PIEZO2: variants seen among roughly 807,000 people sequenced by gnomAD.
PIEZO2 encodes the protein piezo-type mechanosensitive ion channel component 2.
In PIEZO2, 172 loss-of-function variants were observed where a neutral mutation model predicts 337.3. The ratio of observed to expected loss-of-function variants is 0.51; its 90% CI spans 0.45 to 0.58. The LOEUF (loss-of-function observed/expected upper bound fraction) is 0.58, where lower values mean the gene tolerates loss of function less well. PIEZO2 is among the 20% of genes least tolerant of loss of function. The pLI is 0.00. For missense variants in PIEZO2, 3,028 were observed against 3,391.3 expected, an observed-to-expected ratio of 0.89 and a Z score of 2.66; for synonymous variants, 1,251 against 1,228.5, an observed-to-expected ratio of 1.02 and a Z score of -0.38.
intron 7 of PIEZO2, among the ~76,000 whole-genome samples, chr18:10,844,666 G>A (rs553876626): frequency 6.6e-5 from 10 of 151,676 alleles, no homozygotes; most frequent in Non-Finnish European, 1.2e-4. Flanking sequence ...GTGGGTGCCT[G>A]TAGTCCCAGC....
At chr18:10,797,570 T>A in intron 11 of PIEZO2, 48 bp from the exon 12 acceptor site, 8 of 1,530,132 alleles carry the variant, frequency 5.2e-6, no homozygotes, top group Non-Finnish European at 7.0e-6. Context: ...ACATGTGACA[T>A]TTGTATAAAT....
rs79448288 is a variant in PIEZO2 at position 10,849,664 on chromosome 18, A to C, written c.917+5689T>G. 2.0e-3 allele frequency among the ~76,000 whole-genome samples: 311 copies of C among 152,282 alleles called. 1 individual carries two copies. Among genetic ancestry groups the C allele is most frequent in the African/African-American group, 7.0e-3 (292 of 41,566 alleles). ...ATATGCACACCTCGAGCTGGGGGAA[A>C]CCGAACATCAGCCTCATAACATTAA... On this transcript the variant is annotated intron_variant, in intron 7 of 55. Transcript: ENST00000674853.
intron 2 of PIEZO2, among the ~76,000 whole-genome samples, chr18:10,985,235 A>G (rs2145516487): frequency 6.6e-6 from 1 of 152,244 alleles, no homozygotes; most frequent in South Asian, 2.1e-4. Context: ...TATAAAAGTT[A>G]AAATACAAAA....
Position 10,759,905 on chromosome 18 carries a change from C to T in PIEZO2, c.3455G>A (p.Cys1152Tyr). The T allele has an allele frequency of 6.5e-7, 1 of 1,536,994 alleles. No individual in the cohort carries two copies. Among genetic ancestry groups the T allele is most frequent in the South Asian group, 1.2e-5 (1 of 84,036 alleles). The change falls in exon 25 of 56, where the codon TGT (cysteine) becomes TAT (tyrosine). Residue 1152 changes from cysteine (C) to tyrosine (Y), a missense_variant. Cys to Tyr is a radical substitution (Grantham distance 194). Around this residue, in one of 5 missense-constraint regions of PIEZO2, gnomAD observed 1,925 missense variants for 2,051.9 expected, o/e 0.94. Transcript: ENST00000674853. This position sits in a 1 kb window ranked among gnomAD's most constrained non-coding sequence, Gnocchi z 5.5. ...YFFYKFGLET[C>Y]FLMSVNVIGQ... ...AATGACGTTAACTGACATTAGGAAA[C>T]AGGTCTGTGTAAAGATGAAAAGAGG...
At chr18:11,091,914 T>C (rs2039102802) in intron 1 of PIEZO2, among the ~76,000 whole-genome samples, 1 of 152,188 alleles carries the variant, frequency 6.6e-6, no homozygotes, top group Admixed American at 6.5e-5. Flanking sequence ...AAGGCTCCGC[T>C]TTCACACGAC....
At chr18:10,714,540 G>T (rs1490998854) in intron 39 of PIEZO2, among the ~76,000 whole-genome samples, 1 of 152,116 alleles carries the variant, frequency 6.6e-6, no homozygotes, top group Non-Finnish European at 1.5e-5. Flanking sequence ...GGTCACACAG[G>T]TATAGCTAAT....
At position 10,705,623 on chromosome 18, in the gene PIEZO2, C is replaced by T. The variant is rs1434499292; in HGVS notation, c.5712G>A (p.Glu1904=). 3.9e-6 allele frequency: 6 copies of T among 1,537,058 alleles called. No individual in the cohort carries two copies. Among genetic ancestry groups the T allele is most frequent in the Non-Finnish European group, 4.4e-6 (5 of 1,146,908 alleles). ...STAPEPREAK[E]YEATGYDVGA... ...CCACATCGTACCCAGTGGCCTCGTA[C>T]TCCTTGGCCTCCCTGGGCTCAGGCG... Residue 1904 remains glutamate (E), a synonymous_variant, in exon 41 of 56, where the codon GAG becomes GAA. Transcript: ENST00000674853.
rs2035522701 is a variant in PIEZO2, at chr18:11,001,256, T to C, written c.161-21596A>G. Among the ~76,000 whole-genome samples the C allele has an allele frequency of 1.3e-5, 2 of 152,162 alleles. No individual in the cohort carries two copies. The highest frequency in any genetic ancestry group is 2.1e-4 in the South Asian group (1 of 4,826). ...AGCTCAGAAGGTACTTTATGGCTTA[T>C]GGTGGATTTTTATGCATGGGTCATC... On this transcript the variant is annotated intron_variant, in intron 2 of 55. Coordinates refer to ENST00000674853, the MANE Select transcript of PIEZO2 (RefSeq NM_001378183.1). This position sits in a 1 kb window ranked among gnomAD's most constrained non-coding sequence, Gnocchi z 5.3.
intron 2 of PIEZO2, among the ~76,000 whole-genome samples, chr18:11,063,232 G>A (rs1265929501): frequency 7.0e-6 from 1 of 143,146 alleles, no homozygotes; most frequent in Non-Finnish European, 1.5e-5. Flanking sequence ...ATTGAACAAT[G>A]AGAACACATG....
chr18:11,018,214 GGTGGTGGT>G (rs987096106), intron 2 of PIEZO2, among the ~76,000 whole-genome samples: 2 of 139,362 alleles, frequency 1.4e-5, no homozygotes, highest in African/African-American at 5.7e-5. Context: ...TGGTGGTGGT[GGTGGTGGT>G]GTGTGTGTGT....
chr18:11,066,123 T>A lies in PIEZO2; in HGVS notation c.160+4A>T. On this transcript the variant is annotated splice_donor_region_variant and intron_variant, in intron 2 of 55. Transcript: ENST00000674853. ...TGTGGTATACGATAACAAAATTCTCTTACCTTGCATCGTCGTTTTTGTTGG... is the reference window on the plus strand; with the variant it reads ...TGTGGTATACGATAACAAAATTCTCATACCTTGCATCGTCGTTTTTGTTGG... 1 of 1,528,096 alleles carries A rather than the reference T, an allele frequency of 6.5e-7. No individual in the cohort carries two copies. Among genetic ancestry groups the A allele is most frequent in the Non-Finnish European group, 8.8e-7 (1 of 1,138,596 alleles). 94.7% of individuals were successfully genotyped at this position (1,528,096 alleles called of 1,614,324 possible). A position where few individuals can be genotyped will look rare whatever the true frequency, so the allele number is the denominator to read the frequency against.
At chr18:10,913,419 G>A (rs943888015) in intron 3 of PIEZO2, among the ~76,000 whole-genome samples, 2 of 152,144 alleles carry the variant, frequency 1.3e-5, no homozygotes, top group African/African-American at 2.4e-5. Context: ...CGGTGAGGAG[G>A]TTGAGATGCT....
At chr18:10,844,683 GGAGGCT>G (rs1340309189) in intron 7 of PIEZO2, among the ~76,000 whole-genome samples, 4 of 151,488 alleles carry the variant, frequency 2.6e-5, no homozygotes, top group African/African-American at 9.7e-5. Flanking sequence ...CAGCTACTCG[GGAGGCT>G]GAGGCAGGAG....
At chr18:10,975,479 GA>G (rs371482130) in intron 3 of PIEZO2, among the ~76,000 whole-genome samples, 99 of 147,562 alleles carry the variant, frequency 6.7e-4, no homozygotes, top group African/African-American at 1.4e-3. Flanking sequence ...GAAATGAGGG[GA>G]AAAAAAAAAG....
chr18:11,043,225 T>TATC (rs144782829), intron 2 of PIEZO2, among the ~76,000 whole-genome samples: 4,440 of 144,292 alleles, frequency 0.031, 95 homozygotes, highest in African/African-American at 0.051. Context: ...AAAGAGGAAA[T>TATC]ATCTCCTCCC....
chr18:10,686,748 G>A lies in PIEZO2; in HGVS notation c.7497+2907C>T, dbSNP rs544159843. ...TTAGGGCAGGTCCATGGAAACAGAG[G>A]TGTCTTCATTGGTATCTGGAGGTTG... On this transcript the variant is annotated intron_variant, in intron 49 of 55. Transcript: ENST00000674853. 1.4e-4 allele frequency among the ~76,000 whole-genome samples: 22 copies of A among 152,292 alleles called. 1 individual carries two copies. Among genetic ancestry groups the A allele is most frequent in the Admixed American group, 5.9e-4 (9 of 15,292 alleles).
chr18:10,977,486 T>G (rs80002528), intron 3 of PIEZO2, among the ~76,000 whole-genome samples: 10,654 of 152,166 alleles, frequency 0.07, 905 homozygotes, highest in African/African-American at 0.2. Flanking sequence ...AATATCCAAA[T>G]GATTTTTGGT....
rs890017520 is a variant in PIEZO2, at chr18:10,696,195, T to C, written c.7069A>G (p.Met2357Val). The change falls in exon 47 of 56, where the codon ATG becomes GTG. Residue 2357 changes from methionine (M) to valine (V), a missense_variant. By Grantham distance (21) the Met-to-Val change is conservative (BLOSUM62 1). Transcript: ENST00000674853. ...LVMVLIQFGT[M>V]VVDRALYLRK... ...AGGTAGAGGGCTCGGTCCACCACCA[T>C]GGTTCCAAACTGAATGAGGACCATC... 5 of 1,613,930 alleles carry C rather than the reference T, an allele frequency of 3.1e-6. No homozygotes were observed. In the African/African-American group the frequency reaches 4.0e-5, roughly 13 times the overall value.
chr18:10,826,300 T>G (rs1259538701), intron 7 of PIEZO2, among the ~76,000 whole-genome samples: 3 of 152,240 alleles, frequency 2.0e-5, no homozygotes, highest in Non-Finnish European at 2.9e-5. Context: ...TATCACCATC[T>G]GTATTTATGT....
Sources: allele counts gnomAD v4.1 joint callset (sites outside exome capture counted in the v4.1 genomes callset), GRCh38; gene constraint gnomAD v4.1.1; regional missense constraint gnomAD v4.1.1; non-coding constraint Gnocchi (gnomAD v3.1); transcripts MANE v1.5; gene names NCBI Gene and HGNC (gene_info 2026-07-23, HGNC 2026-07-21).